The following KEAP1 variants were observed in gnomAD, a reference collection of about 807,000 sequenced individuals.
KEAP1 encodes kelch like ECH associated protein 1, also known as kelch-like ECH-associated protein 1.
Under a neutral mutation model 59.7 loss-of-function variants are expected in KEAP1, and 26 were observed. That is an observed-to-expected ratio of 0.44 (90% CI 0.32 to 0.60). The LOEUF (loss-of-function observed/expected upper bound fraction) is 0.60, where lower values mean the gene tolerates loss of function less well. Ranked by LOEUF, KEAP1 falls within the 20% of genes least tolerant of loss-of-function variation. KEAP1 has a pLI of 0.06. For synonymous variants in KEAP1, 350 were observed against 358.3 expected (o/e 0.98, Z 0.26); for missense variants, 539 against 871.4 (o/e 0.62, Z 4.80).
At position 10,503,265 on chromosome 19, in the gene KEAP1, G is replaced by C. The variant is rs1204394217; in HGVS notation, c.-72C>G. On this transcript the variant is annotated 5_prime_UTR_variant, in exon 1 of 6. Coordinates refer to ENST00000171111, the MANE Select transcript of KEAP1 (RefSeq NM_203500.2). The surrounding 1 kb of genome is among the most constrained non-coding windows in gnomAD (Gnocchi z 4.3). ...CCTTGGCTGTAGGGGACCCGCGGGC[G>C]CCTCCGCCGTCGGGGGGCCTCGGCT... The C allele has an allele frequency of 2.0e-5, 3 of 152,422 alleles. No individual in the cohort carries two copies. The highest frequency in any genetic ancestry group is 4.4e-5 in the Non-Finnish European group (3 of 68,120). 9.4% of individuals were successfully genotyped at this position (152,422 alleles called of 1,614,324 possible).
chr19:10,501,939 CAA>C (rs1016042968), intron 1 of KEAP1, among the ~76,000 whole-genome samples: 7 of 152,162 alleles, frequency 4.6e-5, no homozygotes, highest in African/African-American at 1.7e-4. Flanking sequence ...GGACTCAACT[CAA>C]AGTCTCCTCT....
In KEAP1 at chr19:10,491,834, C is replaced by T. The variant is rs766554865; in HGVS notation, c.1068G>A (p.Ala356=). ...NPSDGTWLRL[A]DLQVPRSGLA... ...GGCCGCTCCGCGGCACCTGCAGGTC[C>T]GCCAACCGGAGCCAGGTGCCGTCAC... Residue 356 remains alanine (A), a synonymous_variant, in exon 3 of 6, where the codon GCG becomes GCA. Transcript: ENST00000171111. This position sits in a 1 kb window ranked among gnomAD's most constrained non-coding sequence, Gnocchi z 5.2. 6.2e-7 allele frequency: 1 copy of T among 1,606,822 alleles called. No individual in the cohort carries two copies. Among genetic ancestry groups the T allele is most frequent in the Non-Finnish European group, 8.5e-7 (1 of 1,176,922 alleles).
intron 4 of KEAP1, 104 bp from the exon 5 acceptor site, chr19:10,489,472 C>A: frequency 7.6e-7 from 1 of 1,317,070 alleles, no homozygotes; most frequent in Non-Finnish European, 1.1e-6. Context: ...TCCCTTCTCA[C>A]CCTCAGAAAT....
intron 2 of KEAP1, among the ~76,000 whole-genome samples, chr19:10,493,338 T>C (rs1009883297): frequency 3.3e-5 from 5 of 151,142 alleles, no homozygotes; most frequent in African/African-American, 1.2e-4. Flanking sequence ...TTTTTTGTAT[T>C]TTTTTAGTAG....
intron 2 of KEAP1, among the ~76,000 whole-genome samples, chr19:10,494,298 A>G (rs1914775576): frequency 6.7e-6 from 1 of 148,868 alleles, no homozygotes; most frequent in South Asian, 2.1e-4. Context: ...CCTGAGGATT[A>G]CAGGTGTGCA....
At chr19:10,500,711 T>TCA (rs35913351) in intron 1 of KEAP1, among the ~76,000 whole-genome samples, 15,386 of 145,498 alleles carry the variant, frequency 0.11, 1,012 homozygotes, top group African/African-American at 0.17. Context: ...AGATGGAGTC[T>TCA]CTCTGTCACC....
chr19:10,493,161 A>ATT (rs35058318), intron 2 of KEAP1, among the ~76,000 whole-genome samples: 1 of 129,086 alleles, frequency 7.7e-6, no homozygotes, highest in African/African-American at 2.9e-5. Flanking sequence ...AGAGCAGCTA[A>ATT]TTTTTTTTTT....
chr19:10,492,989 TTTTTA>T lies in KEAP1; in HGVS notation c.640-732_640-728del, dbSNP rs1181432670. On this transcript the variant is annotated intron_variant, in intron 2 of 5. Transcript: ENST00000171111. ...GGCACCTACCACCATGCCCCGTTAA[TTTTTA>T]TTTTATTTTATTTTATTTTGATATG... 6.0e-5 allele frequency among the ~76,000 whole-genome samples: 9 copies of T among 150,144 alleles called. No individual in the cohort carries two copies. In the South Asian group the frequency reaches 1.3e-3, roughly 21 times the overall value.
At chr19:10,489,017 C>A (rs1332422115) in intron 5 of KEAP1, among the ~76,000 whole-genome samples, 175 bp downstream of exon 5, 6 of 149,258 alleles carry the variant, frequency 4.0e-5, no homozygotes, top group Non-Finnish European at 7.4e-5. Flanking sequence ...ATGGCTGGAG[C>A]CCAGGCTGTT....
rs907743522 is a variant in KEAP1 at position 10,491,507 on chromosome 19, C to G, written c.1325+70G>C. ...AGGAAACAGCCTCAGGAAGAATACCCGGATCTCAGTGTCTTGGGACTTGCC... is the reference window on the plus strand; with the variant it reads ...AGGAAACAGCCTCAGGAAGAATACCGGGATCTCAGTGTCTTGGGACTTGCC... On this transcript the variant is annotated intron_variant, in intron 3 of 5. Transcript: ENST00000171111. The surrounding 1 kb of genome is among the most constrained non-coding windows in gnomAD (Gnocchi z 5.2). 8.3e-6 allele frequency: 11 copies of G among 1,319,650 alleles called. No individual in the cohort carries two copies. In the East Asian group the frequency reaches 2.8e-4, roughly 33 times the overall value. 81.7% of individuals were successfully genotyped at this position (1,319,650 alleles called of 1,614,324 possible).
At chr19:10,490,022 A>C (rs961866030) in intron 3 of KEAP1, among the ~76,000 whole-genome samples, 169 bp from the exon 4 acceptor site, 28 of 150,668 alleles carry the variant, frequency 1.9e-4, no homozygotes, top group African/African-American at 6.6e-4. Flanking sequence ...GAGGCCGAGG[A>C]GGGCGGATCA....
chr19:10,492,534 A>C, intron 2 of KEAP1: 4 of 425,108 alleles, frequency 9.4e-6, no homozygotes, highest in Non-Finnish European at 1.3e-5. Context: ...CCTGGCCAAT[A>C]TGGTGAAACC....
chr19:10,486,582 T>A lies in KEAP1; in HGVS notation c.*70A>T, dbSNP rs1039471400. The A allele has an allele frequency of 2.7e-6, 4 of 1,463,918 alleles. No individual in the cohort carries two copies. In the African/African-American group the frequency reaches 5.6e-5, roughly 21 times the overall value. The allele number at this position is 1,463,918 out of a possible 1,614,324, so 90.7% of individuals were successfully genotyped here. On this transcript the variant is annotated 3_prime_UTR_variant, in exon 6 of 6. Transcript: ENST00000171111. ...TTTGCAGTGCTGTCTTTTCTTTTAG[T>A]CCCGGTTTTTGTACAAAAACAATGA...
At chr19:10,493,221 C>T (rs985013879) in intron 2 of KEAP1, among the ~76,000 whole-genome samples, 17 of 149,978 alleles carry the variant, frequency 1.1e-4, no homozygotes, top group Non-Finnish European at 2.1e-4. Context: ...TGCAGTGGAG[C>T]GATCTCCGCT....
At chr19:10,500,548 C>G (rs1408894381) in intron 1 of KEAP1, among the ~76,000 whole-genome samples, 4 of 152,224 alleles carry the variant, frequency 2.6e-5, no homozygotes, top group African/African-American at 9.6e-5. Context: ...ATACAAAAAT[C>G]CTACCCTGCC....
rs1914990029 is a variant in KEAP1 at position 10,500,088 on chromosome 19, GGA to G, written c.-47-10_-47-9del. The G allele has an allele frequency of 1.3e-6, 2 of 1,504,072 alleles. No individual in the cohort carries two copies. Among genetic ancestry groups the G allele is most frequent in the Non-Finnish European group, 1.8e-6 (2 of 1,126,760 alleles). The allele number at this position is 1,504,072 out of a possible 1,614,324, so 93.2% of individuals were successfully genotyped here. On this transcript the variant is annotated splice_polypyrimidine_tract_variant and intron_variant, in intron 1 of 5. Coordinates refer to ENST00000171111, the MANE Select transcript of KEAP1 (RefSeq NM_203500.2). ...CCTCTGGCACTCAGGGACCTGGAGG[GGA>G]GAGAGCACAGGGCAGAGGGCAGGGG...
chr19:10,500,129 A>T, intron 1 of KEAP1, 49 bp from the exon 2 acceptor site: 1 of 1,336,396 alleles, frequency 7.5e-7, no homozygotes, highest in Non-Finnish European at 1.0e-6. Context: ...GGACTGGGCC[A>T]GCACCTGCCG....
Position 10,492,193 on chromosome 19 carries a change from G to T in KEAP1, c.709C>A (p.Leu237Met), listed in dbSNP as rs2144604566. The T allele has an allele frequency of 6.2e-7, 1 of 1,614,062 alleles. No homozygotes were observed. The highest frequency in any genetic ancestry group is 2.2e-5 in the East Asian group (1 of 44,866). Residue 237 changes from leucine to methionine, a missense_variant, in exon 3 of 6, where the codon CTG becomes ATG. Transcript: ENST00000171111. ...ACCTCGGACTCGCAGCGCACGTTCA[G>T]GTCGTCCCGGCTGATGAGGGTCACC... ...QLVTLISRDD[L>M]NVRCESEVFH...
intron 1 of KEAP1, 52 bp from the exon 2 acceptor site, chr19:10,500,132 A>C: frequency 2.3e-6 from 3 of 1,295,888 alleles, no homozygotes. Context: ...CTGGGCCAGC[A>C]CCTGCCGGGC....
Sources: allele counts gnomAD v4.1 joint callset (sites outside exome capture counted in the v4.1 genomes callset), GRCh38; gene constraint gnomAD v4.1.1; non-coding constraint Gnocchi (gnomAD v3.1); transcripts MANE v1.5; gene names NCBI Gene and HGNC (gene_info 2026-07-23, HGNC 2026-07-21).